Variants in STOX2 observed in about 807,000 individuals in gnomAD.
STOX2 encodes the protein storkhead-box protein 2.
A neutral mutation model predicts 60.9 loss-of-function variants in STOX2; 28 were observed. The ratio of observed to expected loss-of-function variants is 0.46; its 90% CI spans 0.34 to 0.63. STOX2 has a LOEUF of 0.63. Ranked by LOEUF, STOX2 falls within the 30% of genes least tolerant of loss-of-function variation. The pLI is 0.01. For synonymous variants in STOX2, 472 were observed against 463.9 expected (o/e 1.02, Z -0.22); for missense variants, 1,024 against 1,187.7 (o/e 0.86, Z 2.03).
In STOX2 at chr4:183,858,408, C is replaced by T. The variant is rs567983367; in HGVS notation, c.364+60353C>T. Among the ~76,000 whole-genome samples the T allele has an allele frequency of 6.7e-4, 102 of 152,350 alleles. No individual in the cohort carries two copies. In the Middle Eastern group the frequency reaches 0.031, roughly 46 times the overall value. ...ACCCACCCGGCAGCTCTTCTGCTGT[C>T]GTTGCGCTCAGCTCTGCTTCCGACT... is the stretch of plus-strand genomic sequence containing the variant. On this transcript the variant is annotated intron_variant, in intron 1 of 2. Transcript: ENST00000513034.
chr4:183,858,451 C>T (rs1161700002), intron 1 of STOX2, among the ~76,000 whole-genome samples: 1 of 152,216 alleles, frequency 6.6e-6, no homozygotes, highest in South Asian at 2.1e-4. Context: ...CCTGTTGCCT[C>T]TGCCCACGGC....
intron 1 of STOX2, chr4:183,853,353 C>G (rs1740212522): frequency 6.6e-6 from 1 of 152,232 alleles, no homozygotes; most frequent in African/African-American, 2.4e-5. Flanking sequence ...GGTTTTTAAT[C>G]TTCTGCCCAA....
chr4:183,876,601 G>T (rs1740834730), intron 1 of STOX2, among the ~76,000 whole-genome samples: 1 of 152,238 alleles, frequency 6.6e-6, no homozygotes, highest in Non-Finnish European at 1.5e-5. Flanking sequence ...AAGGTGCTGA[G>T]GCCCCACCTG....
At chr4:183,957,957 TC>T (rs1743300224) in intron 1 of STOX2, among the ~76,000 whole-genome samples, 1 of 150,442 alleles carries the variant, frequency 6.6e-6, no homozygotes, top group Middle Eastern at 3.4e-3. Context: ...GAACCCACTA[TC>T]GTGAATGAGG....
chr4:184,001,046 C>G lies in STOX2; in HGVS notation c.167-279C>G, dbSNP rs1050107580. Reference sequence around the variant, plus strand: ...AAACGGAAATAAAAGCCTGTTGTTGCAAGACTTTCAGTACTAGGACTATTT... The same window carrying G: ...AAACGGAAATAAAAGCCTGTTGTTGGAAGACTTTCAGTACTAGGACTATTT... On this transcript the variant is annotated intron_variant, in intron 1 of 3. Transcript: ENST00000308497. This position sits in a 1 kb window ranked among gnomAD's most constrained non-coding sequence, Gnocchi z 4.2. Among the ~76,000 whole-genome samples, 2 of 152,050 alleles carry G rather than the reference C, an allele frequency of 1.3e-5. No individual in the cohort carries two copies. Among genetic ancestry groups the G allele is most frequent in the African/African-American group, 4.8e-5 (2 of 41,388 alleles).
At chr4:183,952,954 C>T (rs1743136237) in intron 1 of STOX2, among the ~76,000 whole-genome samples, 1 of 152,074 alleles carries the variant, frequency 6.6e-6, no homozygotes, top group Admixed American at 6.6e-5. Flanking sequence ...AACCAAACAC[C>T]ACATGTTCTC....
chr4:183,850,605 T>G (rs1740094813), intron 1 of STOX2, among the ~76,000 whole-genome samples: 1 of 152,034 alleles, frequency 6.6e-6, no homozygotes, highest in Non-Finnish European at 1.5e-5. Context: ...GGCAGGTGCC[T>G]GTAATCCCAG....
chr4:183,862,276 A>G (rs535654736), intron 1 of STOX2, among the ~76,000 whole-genome samples: 3 of 152,264 alleles, frequency 2.0e-5, no homozygotes, highest in African/African-American at 4.8e-5. Context: ...CCTGGGTACA[A>G]GCGATTCTCC....
At chr4:183,854,765 G>T (rs947789611) in intron 1 of STOX2, among the ~76,000 whole-genome samples, 4 of 152,178 alleles carry the variant, frequency 2.6e-5, no homozygotes, top group Admixed American at 1.3e-4. Context: ...ACTTAAAAAT[G>T]ACAATTAATG....
chr4:183,859,611 C>G (rs1015184404), intron 1 of STOX2, among the ~76,000 whole-genome samples: 1 of 152,236 alleles, frequency 6.6e-6, no homozygotes, highest in Non-Finnish European at 1.5e-5. Flanking sequence ...CTCCACCCAC[C>G]CACAGGACAG....
At chr4:183,864,551 G>T (rs936867026) in intron 1 of STOX2, among the ~76,000 whole-genome samples, 3 of 151,960 alleles carry the variant, frequency 2.0e-5, no homozygotes, top group African/African-American at 7.3e-5. Flanking sequence ...CCACCACCAT[G>T]CCTGGCTAAT....
chr4:184,005,560 G>C (rs1383032400), intron 2 of STOX2, among the ~76,000 whole-genome samples: 1 of 151,546 alleles, frequency 6.6e-6, no homozygotes, highest in Admixed American at 6.6e-5. Context: ...GTGTGGAAGA[G>C]ATCAGGTTCA....
chr4:183,995,849 G>T (rs1341249747), intron 1 of STOX2, among the ~76,000 whole-genome samples: 1 of 152,170 alleles, frequency 6.6e-6, no homozygotes, highest in East Asian at 1.9e-4. Context: ...CCCAGTCTCA[G>T]CTCCCCGGGC....
At chr4:183,985,222 T>A (rs1344360852) in intron 1 of STOX2, among the ~76,000 whole-genome samples, 1 of 152,160 alleles carries the variant, frequency 6.6e-6, no homozygotes, top group Non-Finnish European at 1.5e-5. Context: ...AATTGACATA[T>A]AGGTTTTGAC....
At chr4:183,932,530 A>G (rs990585851) in intron 1 of STOX2, among the ~76,000 whole-genome samples, 7 of 151,284 alleles carry the variant, frequency 4.6e-5, no homozygotes, top group Admixed American at 2.0e-4. Context: ...TTGATACAAT[A>G]TATTATACAG....
intron 1 of STOX2, among the ~76,000 whole-genome samples, chr4:183,951,543 C>CG (rs1411964950): frequency 6.7e-6 from 1 of 149,514 alleles, no homozygotes; most frequent in Non-Finnish European, 1.5e-5. Context: ...CTCCACCTCC[C>CG]GGGTACAAGC....
chr4:183,903,563 C>T (rs920620304), upstream of STOX2, among the ~76,000 whole-genome samples: 6 of 152,294 alleles, frequency 3.9e-5, no homozygotes, highest in South Asian at 2.1e-4. Flanking sequence ...CCAGGGCTTG[C>T]GTATTCTAGA....
intron 1 of STOX2, among the ~76,000 whole-genome samples, chr4:183,884,303 AT>A (rs11287431): frequency 0.51 from 74,661 of 146,646 alleles, 19,124 homozygotes; most frequent in East Asian, 0.59. Context: ...GTTGTCTCTA[AT>A]TTTTTTTTTT....
intron 1 of STOX2, among the ~76,000 whole-genome samples, chr4:183,934,878 C>A (rs1329464138): frequency 6.6e-6 from 1 of 152,204 alleles, no homozygotes; most frequent in Non-Finnish European, 1.5e-5. Flanking sequence ...CAGGAAGCTG[C>A]CAGCTGCTTC....
Sources: gnomAD v4.1 joint callset for allele counts (sites outside exome capture counted in the v4.1 genomes callset) on GRCh38, gnomAD v4.1.1 for gene constraint, Gnocchi (gnomAD v3.1) non-coding constraint, MANE v1.5 for transcripts, NCBI Gene and HGNC (gene_info 2026-07-23, HGNC 2026-07-21) for gene names.